Variants in SEC24A observed in about 807,000 individuals in gnomAD.
SEC24A encodes the protein SEC24 homolog A, COPII component.
A neutral mutation model predicts 129.4 loss-of-function variants in SEC24A; 93 were observed. That is an observed-to-expected ratio of 0.72 (90% CI 0.61 to 0.85). SEC24A has a LOEUF of 0.85. Among genes scored for constraint, SEC24A ranks in the 40% least tolerant of loss-of-function variants. The pLI is 0.00. For synonymous variants in SEC24A, 460 were observed against 467.3 expected, an observed-to-expected ratio of 0.98 and a Z score of 0.20; for missense variants, 1,264 against 1,307.4, an observed-to-expected ratio of 0.97 and a Z score of 0.51.
At chr5:134,651,664 A>G (rs529879001) in intron 1 of SEC24A, among the ~76,000 whole-genome samples, 84 of 151,856 alleles carry the variant, frequency 5.5e-4, no homozygotes, top group Admixed American at 8.5e-4. Flanking sequence ...GAGTCTCTCT[A>G]TGTTGCCTAG....
At position 134,708,700 on chromosome 5, in the gene SEC24A, T is replaced by A. The variant is rs377603349; in HGVS notation, c.2552-13T>A. On this transcript the variant is annotated splice_polypyrimidine_tract_variant and intron_variant, in intron 17 of 22. Transcript: ENST00000398844. ...TCATATTTCTTTTTTGTCCTTACCCTCACCTTGCTTAGCTGTTGACAGATC... is the reference window on the plus strand; with the variant it reads ...TCATATTTCTTTTTTGTCCTTACCCACACCTTGCTTAGCTGTTGACAGATC... The A allele has an allele frequency of 5.6e-6, 9 of 1,606,310 alleles. No individual in the cohort carries two copies. In the African/African-American group the frequency reaches 8.0e-5, roughly 14 times the overall value.
At chr5:134,703,610 A>G in intron 15 of SEC24A, 149 bp from the exon 16 acceptor site, 4 of 586,010 alleles carry the variant, frequency 6.8e-6, no homozygotes, top group Non-Finnish European at 1.2e-5. Flanking sequence ...CTTCATTTCA[A>G]AAGCCATCTG....
At chr5:134,690,572 C>T (rs1234301982) in intron 11 of SEC24A, among the ~76,000 whole-genome samples, 1 of 152,214 alleles carries the variant, frequency 6.6e-6, no homozygotes, top group Non-Finnish European at 1.5e-5. Flanking sequence ...GCCTCATCCT[C>T]CCAAAGTGTT....
In SEC24A at chr5:134,697,881, G is replaced by A. The variant is rs768195371; in HGVS notation, c.2108-18G>A. 1.7e-5 allele frequency: 28 copies of A among 1,605,752 alleles called. No individual in the cohort carries two copies. In the Middle Eastern group the frequency reaches 5.0e-4, roughly 29 times the overall value. ...ATAGTTAACGGCACAGTTTAAAACA[G>A]TGTGTGTTCTCTTCCAGGTTGTATT... On this transcript the variant is annotated intron_variant, in intron 14 of 22. Transcript: ENST00000398844.
chr5:134,704,064 ATTT>A, intron 16 of SEC24A, 132 bp downstream of exon 16: 1 of 375,910 alleles, frequency 2.7e-6, no homozygotes, highest in African/African-American at 2.1e-5. Context: ...TTATTTATTT[ATTT>A]ATTTATTTAT....
chr5:134,718,289 T>C, intron 20 of SEC24A, 116 bp downstream of exon 20: 1 of 734,984 alleles, frequency 1.4e-6, no homozygotes. Context: ...TATTTTAACC[T>C]ATATACAGTC....
At chr5:134,693,095 A>G (rs949935970) in intron 12 of SEC24A, 2 of 1,535,810 alleles carry the variant, frequency 1.3e-6, no homozygotes, top group Non-Finnish European at 1.7e-6. Context: ...ATGAGATAAT[A>G]CAGTGAGAGG....
intron 1 of SEC24A, among the ~76,000 whole-genome samples, chr5:134,653,870 TA>T (rs1750148772): frequency 6.9e-6 from 1 of 145,972 alleles, no homozygotes. Flanking sequence ...CAAAAATAAA[TA>T]AATAGGCCGG....
At chr5:134,654,283 C>T (rs1750166182) in intron 1 of SEC24A, among the ~76,000 whole-genome samples, 1 of 151,618 alleles carries the variant, frequency 6.6e-6, no homozygotes, top group Non-Finnish European at 1.5e-5. Context: ...TGCAGTGGTG[C>T]AGATCTTGGC....
At chr5:134,710,811 A>G (rs566812977) in intron 18 of SEC24A, among the ~76,000 whole-genome samples, 4 of 152,166 alleles carry the variant, frequency 2.6e-5, no homozygotes, top group Non-Finnish European at 5.9e-5. Context: ...TTATTGCCTC[A>G]GGATAAACTT....
intron 1 of SEC24A, among the ~76,000 whole-genome samples, chr5:134,657,569 ATTAT>A (rs1370119317): frequency 6.6e-6 from 1 of 151,932 alleles, no homozygotes; most frequent in East Asian, 1.9e-4. Context: ...CCAATGTTAA[ATTAT>A]TTATTTATTT....
rs1302902638 is a variant in SEC24A at position 134,725,524 on chromosome 5, T to TG, written c.*431dup. Reference sequence around the variant, plus strand: ...AGGGAAGTTACAAATTGATTGGTAGTGATGTTTTTAAAATAAAAACAATGG... The same window carrying TG: ...AGGGAAGTTACAAATTGATTGGTAGTGGATGTTTTTAAAATAAAAACAATGG... On this transcript the variant is annotated 3_prime_UTR_variant, in exon 23 of 23. Transcript: ENST00000398844. 1 of 153,062 alleles carries TG rather than the reference T, an allele frequency of 6.5e-6. No homozygotes were observed. Among genetic ancestry groups the TG allele is most frequent in the Non-Finnish European group, 1.5e-5 (1 of 68,432 alleles). 9.5% of individuals were successfully genotyped at this position (153,062 alleles called of 1,614,324 possible).
chr5:134,662,750 A>G (rs1236807066), intron 2 of SEC24A, among the ~76,000 whole-genome samples: 2 of 152,318 alleles, frequency 1.3e-5, no homozygotes, highest in South Asian at 4.1e-4. Context: ...TCTGACCTGC[A>G]ATTAGTAGAG....
intron 17 of SEC24A, among the ~76,000 whole-genome samples, chr5:134,708,348 CTG>C (rs1752225807): frequency 6.6e-6 from 1 of 152,122 alleles, no homozygotes; most frequent in African/African-American, 2.4e-5. Flanking sequence ...CAAAAGAACT[CTG>C]TTTCGAAACA....
chr5:134,654,157 A>G (rs1750159644), intron 1 of SEC24A, among the ~76,000 whole-genome samples: 1 of 151,806 alleles, frequency 6.6e-6, no homozygotes, highest in Non-Finnish European at 1.5e-5. Flanking sequence ...AGAACCTGTC[A>G]CAAAAATAAA....
chr5:134,651,476 G>A (rs921947055), intron 1 of SEC24A, among the ~76,000 whole-genome samples: 1 of 151,054 alleles, frequency 6.6e-6, no homozygotes, highest in African/African-American at 2.4e-5. Context: ...TGTATTTTTA[G>A]TAGAGATGGG....
chr5:134,669,769 G>A (rs1161414664), intron 3 of SEC24A, among the ~76,000 whole-genome samples: 1 of 151,818 alleles, frequency 6.6e-6, no homozygotes, highest in Non-Finnish European at 1.5e-5. Context: ...GAGCCACTGC[G>A]CCCGGCCCCA....
At chr5:134,691,754 G>A (rs1371991190) in intron 11 of SEC24A, among the ~76,000 whole-genome samples, 1 of 151,902 alleles carries the variant, frequency 6.6e-6, no homozygotes, top group African/African-American at 2.4e-5. Context: ...CAAAGTACTG[G>A]GATTACAGGC....
At chr5:134,659,047 T>TTATATTTATTTA (rs1554136610) in intron 1 of SEC24A, among the ~76,000 whole-genome samples, 15 of 138,766 alleles carry the variant, frequency 1.1e-4, no homozygotes, top group Non-Finnish European at 1.7e-4. Context: ...ACCCATTTAT[T>TTATATTTATTTA]TTTATTTATT....
Sources: gnomAD v4.1 joint callset for allele counts (sites outside exome capture counted in the v4.1 genomes callset) on GRCh38, gnomAD v4.1.1 for gene constraint, MANE v1.5 for transcripts, NCBI Gene and HGNC (gene_info 2026-07-23, HGNC 2026-07-21) for gene names.